The following MCTP1 variants were observed in gnomAD, a reference collection of about 807,000 sequenced individuals.
MCTP1 encodes the protein multiple C2 and transmembrane domain-containing protein 1.
MCTP1 carries 69 observed loss-of-function variants against 120.6 expected under a neutral mutation model. The observed-to-expected ratio is 0.57, with a 90% CI of 0.47 to 0.70. MCTP1 has a LOEUF of 0.70. MCTP1 is among the 30% of genes least tolerant of loss of function. The pLI is 0.00. For synonymous variants in MCTP1, 529 were observed against 493.1 expected (o/e 1.07, Z -0.96); for missense variants, 1,203 against 1,248.8 (o/e 0.96, Z 0.55).
intron 12 of MCTP1, among the ~76,000 whole-genome samples, chr5:94,873,815 G>T (rs1798269180): frequency 6.7e-6 from 1 of 149,226 alleles, no homozygotes; most frequent in South Asian, 2.1e-4. Context: ...CTCTGAGGCA[G>T]AAAAAAAATC....
chr5:94,881,216 C>G (rs1799992258), intron 12 of MCTP1, among the ~76,000 whole-genome samples: 1 of 152,124 alleles, frequency 6.6e-6, no homozygotes. Flanking sequence ...GGTCATGTAT[C>G]AGTTGTCACA....
At chr5:95,116,926 T>A (rs1206184090) in intron 1 of MCTP1, among the ~76,000 whole-genome samples, 1 of 152,200 alleles carries the variant, frequency 6.6e-6, no homozygotes, top group South Asian at 2.1e-4. Context: ...AACTTAAGAA[T>A]CTTTTGGGCT....
chr5:95,017,682 T>A (rs1837384890), intron 1 of MCTP1, among the ~76,000 whole-genome samples, 198 bp from the exon 2 acceptor site: 1 of 152,118 alleles, frequency 6.6e-6, no homozygotes, highest in Non-Finnish European at 1.5e-5. Flanking sequence ...CTCAAAAACA[T>A]GGCAGTTACA....
At chr5:94,794,989 G>T (rs908563462) in intron 18 of MCTP1, among the ~76,000 whole-genome samples, 3 of 152,098 alleles carry the variant, frequency 2.0e-5, no homozygotes, top group African/African-American at 7.2e-5. Flanking sequence ...ATAAACTTCA[G>T]ACAGACTGCT....
In MCTP1 at chr5:95,104,447, G is replaced by T. The variant is rs73140062; in HGVS notation, c.721-86963C>A. ...ACAGTAAAAATCTGAAAAAGCAAAA[G>T]CCAACATGAAAAATGTCTAAGTAAT... On this transcript the variant is annotated intron_variant, in intron 1 of 22. Transcript: ENST00000515393. 5.1e-3 allele frequency among the ~76,000 whole-genome samples: 781 copies of T among 152,200 alleles called. 6 individuals are homozygous for T. The highest frequency in any genetic ancestry group is 0.015 in the African/African-American group (637 of 41,512).
intron 2 of MCTP1, among the ~76,000 whole-genome samples, chr5:94,968,296 A>C (rs1196627233): frequency 6.6e-6 from 1 of 152,166 alleles, no homozygotes; most frequent in African/African-American, 2.4e-5. Flanking sequence ...GTAGCCTTTA[A>C]ATAATTGAAC....
intron 6 of MCTP1, among the ~76,000 whole-genome samples, chr5:94,927,152 T>G (rs1154849): frequency 0.01 from 1,554 of 152,334 alleles, 25 homozygotes; most frequent in African/African-American, 0.036. Context: ...TATGGCTCCA[T>G]GTATTTTGTG....
intron 1 of MCTP1, among the ~76,000 whole-genome samples, chr5:95,118,465 A>G (rs1757980843): frequency 6.6e-6 from 1 of 152,190 alleles, no homozygotes; most frequent in South Asian, 2.1e-4. Context: ...TAATACAGAA[A>G]GAAAAGAAGA....
At chr5:94,858,479 C>G (rs1193117850) in intron 17 of MCTP1, among the ~76,000 whole-genome samples, 1 of 151,682 alleles carries the variant, frequency 6.6e-6, no homozygotes, top group Non-Finnish European at 1.5e-5. Context: ...CTTCCCAGAT[C>G]AATACATTCC....
intron 17 of MCTP1, among the ~76,000 whole-genome samples, chr5:94,859,414 C>T (rs963377127): frequency 6.6e-6 from 1 of 151,650 alleles, no homozygotes. Flanking sequence ...TTAGCAACAA[C>T]TTATTGTATA....
At chr5:94,732,992 GTTTAAA>G (rs139746843) in intron 19 of MCTP1, among the ~76,000 whole-genome samples, 2,411 of 152,146 alleles carry the variant, frequency 0.016, 114 homozygotes, top group East Asian at 0.14. Context: ...TGCCTATAGT[GTTTAAA>G]TTTAAAGTTG....
At chr5:95,080,894 C>G (rs1754775195) in intron 1 of MCTP1, among the ~76,000 whole-genome samples, 1 of 152,182 alleles carries the variant, frequency 6.6e-6, no homozygotes, top group African/African-American at 2.4e-5. Flanking sequence ...GTATGCTAGT[C>G]TTTCACTTAA....
At chr5:95,191,701 ATGTTAC>A (rs773251369) in intron 1 of MCTP1, among the ~76,000 whole-genome samples, 5 of 152,110 alleles carry the variant, frequency 3.3e-5, no homozygotes, top group Non-Finnish European at 5.9e-5. Flanking sequence ...GGTCAATAGT[ATGTTAC>A]TAACAAATGC....
At chr5:94,771,997 C>T (rs771442147) in intron 19 of MCTP1, among the ~76,000 whole-genome samples, 3 of 152,100 alleles carry the variant, frequency 2.0e-5, no homozygotes, top group African/African-American at 4.8e-5. Context: ...TGGCCCGCTT[C>T]CTCCATCTCC....
chr5:95,167,514 C>A (rs111333335), intron 1 of MCTP1, among the ~76,000 whole-genome samples: 437 of 152,298 alleles, frequency 2.9e-3, no homozygotes, highest in African/African-American at 0.01. Context: ...AACTAGTTTA[C>A]AGTCCCACCA....
At chr5:94,932,913 A>G (rs1245801190) in intron 5 of MCTP1, among the ~76,000 whole-genome samples, 1 of 152,002 alleles carries the variant, frequency 6.6e-6, no homozygotes, top group Non-Finnish European at 1.5e-5. Context: ...AAAAAGAACC[A>G]TGTCAGAAAC....
chr5:95,131,352 A>G (rs1049033009), intron 1 of MCTP1, among the ~76,000 whole-genome samples: 2 of 152,210 alleles, frequency 1.3e-5, no homozygotes, highest in Non-Finnish European at 2.9e-5. Context: ...ATGTGAAGCA[A>G]GGAGACTGGG....
intron 2 of MCTP1, among the ~76,000 whole-genome samples, chr5:95,011,824 C>T (rs1428151735): frequency 6.6e-6 from 1 of 152,056 alleles, no homozygotes; most frequent in African/African-American, 2.4e-5. Context: ...TTATTTTTTG[C>T]TGAAATTGTC....
chr5:94,990,196 G>C (rs1408506454), intron 2 of MCTP1, among the ~76,000 whole-genome samples: 1 of 152,158 alleles, frequency 6.6e-6, no homozygotes, highest in Non-Finnish European at 1.5e-5. Flanking sequence ...TGTTAACACT[G>C]GGTAATTAGC....
Sources: gnomAD v4.1 joint callset for allele counts (sites outside exome capture counted in the v4.1 genomes callset) on GRCh38, gnomAD v4.1.1 for gene constraint, MANE v1.5 for transcripts, NCBI Gene and HGNC (gene_info 2026-07-23, HGNC 2026-07-21) for gene names.